Variants in TNS3 observed in about 807,000 individuals in gnomAD.
The protein encoded by TNS3 is tensin-3.
In TNS3, 45 loss-of-function variants were observed where a neutral mutation model predicts 140.9. The observed-to-expected ratio is 0.32, with a 90% CI of 0.25 to 0.41. The LOEUF (loss-of-function observed/expected upper bound fraction) is 0.41, where lower values mean the gene tolerates loss of function less well. Ranked by LOEUF, TNS3 falls within the 10% of genes least tolerant of loss-of-function variation. TNS3 has a pLI of 1.00. For synonymous variants in TNS3, 815 were observed against 788.4 expected (o/e 1.03, Z -0.56); for missense variants, 1,716 against 1,906.7 (o/e 0.90, Z 1.86).
At chr7:47,571,023 T>C (rs1430406803) in intron 1 of TNS3, among the ~76,000 whole-genome samples, 3 of 152,044 alleles carry the variant, frequency 2.0e-5, no homozygotes, top group South Asian at 2.1e-4. Flanking sequence ...GGAAGGGACA[T>C]AGCCTGGGAA....
At chr7:47,572,332 C>T (rs541035063) in intron 1 of TNS3, among the ~76,000 whole-genome samples, 6 of 152,126 alleles carry the variant, frequency 3.9e-5, no homozygotes, top group African/African-American at 9.7e-5. Flanking sequence ...ACCATTCGCG[C>T]GGTAGTCACA....
chr7:47,405,378 C>T (rs1330412014), intron 13 of TNS3: 2 of 634,840 alleles, frequency 3.2e-6, no homozygotes, highest in Admixed American at 2.4e-5. Flanking sequence ...ACTGTCTACG[C>T]AGGCCTCAAG....
chr7:47,373,394 T>G (rs1791193325), intron 16 of TNS3, among the ~76,000 whole-genome samples: 1 of 152,218 alleles, frequency 6.6e-6, no homozygotes, highest in East Asian at 1.9e-4. Context: ...GGACATAAAG[T>G]ACCCAGCTCA....
chr7:47,489,669 AT>A (rs1356540426), intron 3 of TNS3, among the ~76,000 whole-genome samples: 1 of 152,246 alleles, frequency 6.6e-6, no homozygotes, highest in Non-Finnish European at 1.5e-5. Context: ...TGTATCCATT[AT>A]GTCACCATTA....
At chr7:47,415,062 A>G in intron 11 of TNS3, 32 bp downstream of exon 11, 1 of 1,547,524 alleles carries the variant, frequency 6.5e-7, no homozygotes, top group South Asian at 1.1e-5. Context: ...GGGCCAGCCA[A>G]TCGCAGGTGC....
At chr7:47,542,344 TCAC>T (rs1250793039) in intron 1 of TNS3, among the ~76,000 whole-genome samples, 1 of 152,102 alleles carries the variant, frequency 6.6e-6, no homozygotes, top group Non-Finnish European at 1.5e-5. Flanking sequence ...AACCAAATCC[TCAC>T]CACACCTTGG....
rs531733095 is a variant in TNS3 at position 47,373,946 on chromosome 7, G to A, written c.1025-4325C>T. On this transcript the variant is annotated intron_variant, in intron 16 of 30. Coordinates refer to ENST00000311160, the MANE Select transcript of TNS3 (RefSeq NM_022748.12). ...TCTGAAGGTAGAAGAGCCGTGCAGCGCTTGGCCACCTGCAACCCAGGTGTC... is the reference window on the plus strand; with the variant it reads ...TCTGAAGGTAGAAGAGCCGTGCAGCACTTGGCCACCTGCAACCCAGGTGTC... Among the ~76,000 whole-genome samples the A allele has an allele frequency of 7.1e-4, 108 of 152,242 alleles. 3 individuals carry two copies. The highest frequency in any genetic ancestry group is 6.8e-3 in the Admixed American group (104 of 15,304).
intron 27 of TNS3, among the ~76,000 whole-genome samples, chr7:47,291,399 G>A (rs1785692150): frequency 6.6e-6 from 1 of 152,134 alleles, no homozygotes; most frequent in African/African-American, 2.4e-5. Context: ...CACTTTGCTG[G>A]GGGATGTTGA....
At chr7:47,524,505 A>T (rs539302058) in intron 2 of TNS3, among the ~76,000 whole-genome samples, 4 of 152,292 alleles carry the variant, frequency 2.6e-5, no homozygotes, top group South Asian at 2.1e-4. Context: ...GAACCAGCTT[A>T]AAAAAGGCAA....
intron 2 of TNS3, among the ~76,000 whole-genome samples, chr7:47,519,789 T>C (rs1445825499): frequency 6.9e-6 from 1 of 144,220 alleles, no homozygotes; most frequent in Non-Finnish European, 1.5e-5. Context: ...TTCGACTCCA[T>C]CCTCTGGAAC....
intron 10 of TNS3, among the ~76,000 whole-genome samples, chr7:47,420,151 A>G (rs888476431): frequency 1.3e-5 from 2 of 152,234 alleles, no homozygotes; most frequent in African/African-American, 4.8e-5. Flanking sequence ...GTATTCTTTC[A>G]GGCACCTGAG....
intron 17 of TNS3, among the ~76,000 whole-genome samples, chr7:47,348,126 A>G (rs1034322791): frequency 2.0e-5 from 3 of 152,254 alleles, no homozygotes; most frequent in Non-Finnish European, 2.9e-5. Context: ...AAAGAGGGCT[A>G]GCAGAGGTGT....
At chr7:47,485,979 G>A (rs1797596731) in intron 3 of TNS3, among the ~76,000 whole-genome samples, 1 of 151,144 alleles carries the variant, frequency 6.6e-6, no homozygotes, top group East Asian at 1.9e-4. Context: ...TGTGAATGTG[G>A]GTGAGTGTGG....
intron 1 of TNS3, among the ~76,000 whole-genome samples, chr7:47,530,838 A>AAAAAAAAAAAAAAAAAAAATATATATAT: frequency 1.8e-5 from 1 of 54,564 alleles, no homozygotes; most frequent in Non-Finnish European, 3.3e-5. Context: ...AAAAAAAAAA[A>AAAAAAAAAAAAAAAAAAAATATATATAT]ATATATATAT....
chr7:47,400,624 T>C (rs1171577239), intron 14 of TNS3, among the ~76,000 whole-genome samples, 161 bp downstream of exon 14: 3 of 152,190 alleles, frequency 2.0e-5, no homozygotes, highest in African/African-American at 4.8e-5. Flanking sequence ...ATCCATAATT[T>C]TTTTCCCCCA....
intron 23 of TNS3, among the ~76,000 whole-genome samples, chr7:47,298,452 C>T (rs1221998095): frequency 1.3e-5 from 2 of 152,338 alleles, no homozygotes; most frequent in East Asian, 3.9e-4. Flanking sequence ...AACCTCAACT[C>T]GATACTGCCC....
intron 4 of TNS3, among the ~76,000 whole-genome samples, chr7:47,447,591 G>C (rs1327875701): frequency 6.6e-6 from 1 of 152,108 alleles, no homozygotes; most frequent in African/African-American, 2.4e-5. Flanking sequence ...TCCACGCATG[G>C]CACACTAGGG....
At chr7:47,476,370 T>C (rs1797195514) in intron 4 of TNS3, among the ~76,000 whole-genome samples, 2 of 152,120 alleles carry the variant, frequency 1.3e-5, no homozygotes, top group African/African-American at 4.8e-5. Context: ...CACATACACG[T>C]AGACTTACAG....
chr7:47,573,081 C>T lies in TNS3; in HGVS notation c.-265+8970G>A. On this transcript the variant is annotated intron_variant, in intron 1 of 30. Coordinates refer to ENST00000311160, the MANE Select transcript of TNS3 (RefSeq NM_022748.12). ...AAAACATTTCTCAAACCACGTGGTC[C>T]CAATGCAGGCTGGATCTCCAGAGGT... is the stretch of plus-strand genomic sequence containing the variant. 1.3e-5 allele frequency among the ~76,000 whole-genome samples: 2 copies of T among 152,204 alleles called. 1 individual carries two copies. The highest frequency in any genetic ancestry group is 1.3e-4 in the Admixed American group (2 of 15,276).
Sources: allele counts gnomAD v4.1 joint callset (sites outside exome capture counted in the v4.1 genomes callset), GRCh38; gene constraint gnomAD v4.1.1; transcripts MANE v1.5; gene names NCBI Gene and HGNC (gene_info 2026-07-23, HGNC 2026-07-21).